The following LDLRAD4 variants were observed in gnomAD, a reference collection of about 807,000 sequenced individuals.
LDLRAD4 encodes the protein low density lipoprotein receptor class A domain containing 4, also known as low-density lipoprotein receptor class A domain-containing protein 4.
A neutral mutation model predicts 17.0 loss-of-function variants in LDLRAD4; 5 were observed. The ratio of observed to expected loss-of-function variants is 0.29; its 90% CI spans 0.15 to 0.62. LDLRAD4 has a LOEUF of 0.62. LDLRAD4 is among the 20% of genes least tolerant of loss of function. The pLI, the probability that LDLRAD4 is intolerant of heterozygous loss-of-function variation, is 0.84. For missense variants in LDLRAD4, 340 were observed against 424.7 expected, an observed-to-expected ratio of 0.80 and a Z score of 1.75; for synonymous variants, 168 against 171.8, an observed-to-expected ratio of 0.98 and a Z score of 0.17.
chr18:13,519,832 A>C (rs1203093889), intron 3 of LDLRAD4: 1 of 152,184 alleles, frequency 6.6e-6, no homozygotes, highest in East Asian at 1.9e-4. Flanking sequence ...AAATACCCAA[A>C]AAGTGCTGGT....
In LDLRAD4 at chr18:13,226,200, T is replaced by TTTTTTTTTTTTTTTTG. The variant is rs1399999238; in HGVS notation, c.-467+7213_-467+7214insTTTTTTTTTTTTTTGT. 1.4e-4 allele frequency among the ~76,000 whole-genome samples: 20 copies of TTTTTTTTTTTTTTTTG among 143,286 alleles called. 2 individuals carry two copies. Among genetic ancestry groups the TTTTTTTTTTTTTTTTG allele is most frequent in the Non-Finnish European group, 2.4e-4 (16 of 65,898 alleles). The allele number at this position is 143,286 out of a possible 152,430, so 94.0% of individuals were successfully genotyped here. A position where few individuals can be genotyped will look rare whatever the true frequency, so the allele number is the denominator to read the frequency against. On this transcript the variant is annotated intron_variant, in intron 1 of 5. Coordinates refer to the LDLRAD4 transcript ENST00000399848. ...CCTTGCTTTTTTTTTTTTTTTTTTTTTGTAGAGACCGGGTTTCGCCATGTT... is the reference window on the plus strand; with the variant it reads ...CCTTGCTTTTTTTTTTTTTTTTTTTTTTTTTTTTTTTTTTTGTGTAGAGACCGGGTTTCGCCATGTT...
intron 1 of LDLRAD4, among the ~76,000 whole-genome samples, chr18:13,336,791 T>C (rs2082122412): frequency 1.3e-5 from 2 of 152,102 alleles, no homozygotes; most frequent in Admixed American, 6.6e-5. Context: ...CTCTCTTCTG[T>C]CTTCCTCCCC....
rs751899711 is a variant in LDLRAD4 at position 13,621,082 on chromosome 18, G to A, written c.182-35G>A. 6.2e-7 allele frequency: 1 copy of A among 1,613,912 alleles called. No homozygotes were observed. The highest frequency in any genetic ancestry group is 8.5e-7 in the Non-Finnish European group (1 of 1,179,984). On this transcript the variant is annotated intron_variant, in intron 3 of 5. Transcript: ENST00000359446. This position sits in a 1 kb window ranked among gnomAD's most constrained non-coding sequence, Gnocchi z 5.5. ...TGGAGAATGGGTGGGGACTGGAGGG[G>A]CCAGGTGGCTAACCACTCTCCTCTT... is the stretch of plus-strand genomic sequence containing the variant.
chr18:13,339,891 A>T (rs909471494), intron 1 of LDLRAD4, among the ~76,000 whole-genome samples: 1 of 152,152 alleles, frequency 6.6e-6, no homozygotes, highest in Non-Finnish European at 1.5e-5. Context: ...TATCTTCAGA[A>T]CTTTTTCTTT....
chr18:13,236,391 C>T (rs183256709), intron 1 of LDLRAD4: 1 of 144,846 alleles, frequency 6.9e-6, no homozygotes, highest in Non-Finnish European at 1.5e-5. Context: ...CACACTGCAA[C>T]GTCTGCCTCC....
rs1257167355 is a variant in LDLRAD4 at position 13,242,511 on chromosome 18, C to G, written c.-467+23523C>G. 1.3e-5 allele frequency among the ~76,000 whole-genome samples: 2 copies of G among 152,132 alleles called. 1 individual carries two copies. The highest frequency in any genetic ancestry group is 6.8e-3 in the Middle Eastern group (2 of 292). Reference sequence around the variant, plus strand: ...ACTTACTAATGATAGATTTTTAGAACAATAGTAAAGAGGTTGGTAATATTT... The same window carrying G: ...ACTTACTAATGATAGATTTTTAGAAGAATAGTAAAGAGGTTGGTAATATTT... On this transcript the variant is annotated intron_variant, in intron 1 of 5. Transcript: ENST00000399848.
intron 1 of LDLRAD4, among the ~76,000 whole-genome samples, chr18:13,310,756 G>A (rs946846368): frequency 2.0e-5 from 3 of 152,342 alleles, no homozygotes; most frequent in African/African-American, 2.4e-5. Flanking sequence ...GCTTTGTCAT[G>A]TTTTGGCTTA....
chr18:13,245,444 A>T (rs944656030), intron 1 of LDLRAD4, among the ~76,000 whole-genome samples: 1 of 152,212 alleles, frequency 6.6e-6, no homozygotes, highest in Non-Finnish European at 1.5e-5. Flanking sequence ...GACTTTGCCA[A>T]TTGCTATGAT....
At chr18:13,344,117 A>T (rs1236876544) in intron 1 of LDLRAD4, among the ~76,000 whole-genome samples, 11 of 152,140 alleles carry the variant, frequency 7.2e-5, no homozygotes, top group Middle Eastern at 3.4e-3. Context: ...TTGGCTTTTG[A>T]TGCCATTGCT....
intron 4 of LDLRAD4, among the ~76,000 whole-genome samples, chr18:13,625,049 C>T (rs546814099): frequency 1.5e-4 from 23 of 152,226 alleles, no homozygotes; most frequent in African/African-American, 1.2e-4. Flanking sequence ...GGCGGCGGCT[C>T]AGCACCCTCC....
intron 1 of LDLRAD4, among the ~76,000 whole-genome samples, chr18:13,324,816 C>G (rs796526101): frequency 2.0e-5 from 3 of 152,228 alleles, no homozygotes; most frequent in African/African-American, 7.2e-5. Context: ...GAGGAAAGAG[C>G]AGACAGGAGG....
At chr18:13,352,556 G>C (rs977907773) in intron 1 of LDLRAD4, among the ~76,000 whole-genome samples, 2 of 151,934 alleles carry the variant, frequency 1.3e-5, no homozygotes, top group East Asian at 3.9e-4. Flanking sequence ...AATATGTCTT[G>C]GTGTGGGTCT....
At chr18:13,310,465 C>T (rs2047171988) in intron 1 of LDLRAD4, among the ~76,000 whole-genome samples, 1 of 152,174 alleles carries the variant, frequency 6.6e-6, no homozygotes, top group Admixed American at 6.5e-5. Context: ...GGAAAAAAGA[C>T]AGTCCTTGCC....
chr18:13,554,286 A>G (rs1220710004), intron 3 of LDLRAD4, among the ~76,000 whole-genome samples: 2 of 152,246 alleles, frequency 1.3e-5, no homozygotes, highest in African/African-American at 4.8e-5. Context: ...AGTTATGGCC[A>G]AAGTCCAAAG....
intron 1 of LDLRAD4, among the ~76,000 whole-genome samples, chr18:13,313,359 T>TC (rs1388597412): frequency 6.6e-6 from 1 of 151,972 alleles, no homozygotes; most frequent in African/African-American, 2.4e-5. Flanking sequence ...ACCAATTCCT[T>TC]CCCCACAGCC....
At chr18:13,502,766 C>T (rs888399838) in intron 3 of LDLRAD4, among the ~76,000 whole-genome samples, 1 of 152,322 alleles carries the variant, frequency 6.6e-6, no homozygotes, top group African/African-American at 2.4e-5. Context: ...AACAGGTCTT[C>T]TCAGTGCTTC....
At chr18:13,533,730 A>T (rs972934291) in intron 3 of LDLRAD4, among the ~76,000 whole-genome samples, 1 of 152,088 alleles carries the variant, frequency 6.6e-6, no homozygotes, top group Non-Finnish European at 1.5e-5. Flanking sequence ...GAGGGATGAG[A>T]TGGGTATTTT....
chr18:13,278,890 CT>C (rs1567961229), intron 1 of LDLRAD4, among the ~76,000 whole-genome samples: 1 of 152,212 alleles, frequency 6.6e-6, no homozygotes, highest in Non-Finnish European at 1.5e-5. Flanking sequence ...CCCTGAAGCT[CT>C]TGGAGCATAA....
At chr18:13,331,150 T>C (rs1027533624) in intron 1 of LDLRAD4, among the ~76,000 whole-genome samples, 1 of 152,258 alleles carries the variant, frequency 6.6e-6, no homozygotes, top group Non-Finnish European at 1.5e-5. Context: ...TCCCGATTTA[T>C]AGCTTGTCAG....
Sources: gnomAD v4.1 joint callset for allele counts (sites outside exome capture counted in the v4.1 genomes callset) on GRCh38, gnomAD v4.1.1 for gene constraint, Gnocchi (gnomAD v3.1) non-coding constraint, MANE v1.5 for transcripts, NCBI Gene and HGNC (gene_info 2026-07-23, HGNC 2026-07-21) for gene names.